Variants in RANBP2 observed in about 807,000 individuals in gnomAD.
RANBP2 encodes RAN binding protein 2.
RANBP2 carries 57 observed loss-of-function variants against 303.6 expected under a neutral mutation model. That is an observed-to-expected ratio of 0.19 (90% CI 0.15 to 0.23). The LOEUF is 0.23. Among genes scored for constraint, RANBP2 ranks in the 10% least tolerant of loss-of-function variants. RANBP2 has a pLI of 1.00. For synonymous variants in RANBP2, 1,167 were observed against 1,301.5 expected (o/e 0.90, Z 2.23); for missense variants, 3,138 against 3,780.8 (o/e 0.83, Z 4.46).
chr2:109,097,361 C>T, the RANBP2 span, among the ~76,000 whole-genome samples: 43 of 147,052 alleles, frequency 2.9e-4, no homozygotes, highest in Admixed American at 1.4e-4. Context: ...AAAACAAAAC[C>T]TCTGATCCCT....
the RANBP2 span, among the ~76,000 whole-genome samples, chr2:109,125,305 G>T: frequency 6.6e-6 from 1 of 152,156 alleles, no homozygotes; most frequent in Non-Finnish European, 1.5e-5. Context: ...AGAGTTGGTG[G>T]GGGGGTTAGA....
At chr2:109,569,809 C>A in the RANBP2 span, among the ~76,000 whole-genome samples, 1 of 151,968 alleles carries the variant, frequency 6.6e-6, no homozygotes, top group African/African-American at 2.4e-5. Context: ...GGGAAAGTAA[C>A]AGATATTGCC....
chr2:108,982,044 G>A, the RANBP2 span, among the ~76,000 whole-genome samples: 1 of 152,246 alleles, frequency 6.6e-6, no homozygotes, highest in East Asian at 1.9e-4. Flanking sequence ...GGCAGGGACA[G>A]ATGTTTAACG....
the RANBP2 span, among the ~76,000 whole-genome samples, chr2:109,347,081 C>T: frequency 3.1e-3 from 465 of 152,288 alleles, 2 homozygotes; most frequent in African/African-American, 0.011. Context: ...ATGCCATGCA[C>T]GCCTGCTGCT....
At chr2:109,428,540 T>C in the RANBP2 span, among the ~76,000 whole-genome samples, 1 of 152,230 alleles carries the variant, frequency 6.6e-6, no homozygotes, top group South Asian at 2.1e-4. Flanking sequence ...ACTGCACACC[T>C]GCCGCGGCCA....
At chr2:109,760,366 G>T in the RANBP2 span, 1 of 189,042 alleles carries the variant, frequency 5.3e-6, no homozygotes, top group Non-Finnish European at 9.1e-6. Flanking sequence ...GGCGGCGCAG[G>T]GCCGGGGGCG....
the RANBP2 span, among the ~76,000 whole-genome samples, chr2:109,561,050 C>T: frequency 1.3e-5 from 2 of 151,436 alleles, no homozygotes; most frequent in African/African-American, 4.9e-5. Context: ...TTATATTATT[C>T]CTAAAATAGC....
chr2:108,784,076 G>A lies in RANBP2; in HGVS notation c.*175G>A, dbSNP rs1271299585. ...AATGTGTTATAATTGACCTTGCATGGTGTGAAATAAAAGTTTAAACACTGG... is the reference window on the plus strand; with the variant it reads ...AATGTGTTATAATTGACCTTGCATGATGTGAAATAAAAGTTTAAACACTGG... On this transcript the variant is annotated 3_prime_UTR_variant, in exon 29 of 29. Transcript: ENST00000283195. The A allele has an allele frequency of 1.6e-6, 1 of 632,762 alleles. No homozygotes were observed. Among genetic ancestry groups the A allele is most frequent in the African/African-American group, 1.8e-5 (1 of 54,578 alleles). The allele number at this position is 632,762 out of a possible 1,614,324, so 39.2% of individuals were successfully genotyped here.
At chr2:108,985,043 G>C in the RANBP2 span, among the ~76,000 whole-genome samples, 2 of 152,138 alleles carry the variant, frequency 1.3e-5, no homozygotes, top group Non-Finnish European at 2.9e-5. Flanking sequence ...TTGCAGTCTG[G>C]TTTTGCATGT....
the RANBP2 span, among the ~76,000 whole-genome samples, chr2:109,285,155 A>G: frequency 6.6e-6 from 1 of 152,200 alleles, no homozygotes; most frequent in Non-Finnish European, 1.5e-5. Context: ...GAGGCTTTCT[A>G]TGGAAGCTGC....
At chr2:109,376,488 G>A in the RANBP2 span, among the ~76,000 whole-genome samples, 13 of 152,250 alleles carry the variant, frequency 8.5e-5, no homozygotes, top group East Asian at 7.7e-4. Context: ...AGTGATTCTC[G>A]TCTGCGAGGA....
chr2:108,810,552 A>C, the RANBP2 span, among the ~76,000 whole-genome samples: 3 of 151,804 alleles, frequency 2.0e-5, no homozygotes, highest in Non-Finnish European at 4.4e-5. Context: ...TGTGTTGTTG[A>C]ATTTGGTTTG....
At chr2:109,458,567 G>GGAGAAAGAGAGAGAGAGAGAGAGA in the RANBP2 span, among the ~76,000 whole-genome samples, 1 of 43,044 alleles carries the variant, frequency 2.3e-5, no homozygotes, top group Non-Finnish European at 5.6e-5. Context: ...AGAACCAGCA[G>GGAGAAAGAGAGAGAGAGAGAGAGA]GAGACAGAGA....
At chr2:109,565,833 T>G in the RANBP2 span, 1 of 1,613,946 alleles carries the variant, frequency 6.2e-7, no homozygotes, top group Non-Finnish European at 8.5e-7. Context: ...CATCCATACT[T>G]CCCACAACAG....
At chr2:109,558,503 A>C in the RANBP2 span, among the ~76,000 whole-genome samples, 5 of 152,208 alleles carry the variant, frequency 3.3e-5, no homozygotes, top group Non-Finnish European at 5.9e-5. Context: ...TTTAATTATT[A>C]AACTTGGGGA....
chr2:108,963,349 C>T, the RANBP2 span, among the ~76,000 whole-genome samples: 1 of 152,210 alleles, frequency 6.6e-6, no homozygotes, highest in Admixed American at 6.5e-5. Context: ...CCTTCAAAAT[C>T]TGTTTCTAGG....
the RANBP2 span, chr2:109,347,929 G>A: frequency 6.2e-7 from 1 of 1,606,268 alleles, no homozygotes; most frequent in Non-Finnish European, 8.5e-7. Context: ...CCAAGACAAG[G>A]ACTGTCTGAC....
chr2:109,613,668 G>T, the RANBP2 span: 18 of 594,802 alleles, frequency 3.0e-5, no homozygotes, highest in Non-Finnish European at 4.3e-5. Flanking sequence ...GGGGAGCACT[G>T]GGCGGGCGGG....
At chr2:109,615,587 C>T in the RANBP2 span, 10 of 1,613,654 alleles carry the variant, frequency 6.2e-6, no homozygotes, top group Non-Finnish European at 8.5e-6. Context: ...CCTACGACGC[C>T]GATGTGGACA....
Sources: allele counts gnomAD v4.1 joint callset (sites outside exome capture counted in the v4.1 genomes callset), GRCh38; gene constraint gnomAD v4.1.1; transcripts MANE v1.5; gene names NCBI Gene and HGNC (gene_info 2026-07-23, HGNC 2026-07-21).